LRRFIP2: variants seen among roughly 807,000 people sequenced by gnomAD.
LRRFIP2 encodes the protein leucine-rich repeat flightless-interacting protein 2.
Under a neutral mutation model 125.9 loss-of-function variants are expected in LRRFIP2, and 109 were observed. That is an observed-to-expected ratio of 0.87 (90% CI 0.74 to 1.01). The LOEUF (loss-of-function observed/expected upper bound fraction) is 1.01. Among genes scored for constraint, LRRFIP2 ranks in the 50% least tolerant of loss-of-function variants. The pLI, the probability that LRRFIP2 is intolerant of heterozygous loss-of-function variation, is 0.00. For missense variants in LRRFIP2, 850 were observed against 862.3 expected (o/e 0.99, Z 0.18); for synonymous variants, 291 against 293.1 (o/e 0.99, Z 0.07).
At chr3:37,139,751 T>A (rs1206775439) in intron 2 of LRRFIP2, among the ~76,000 whole-genome samples, 1 of 152,148 alleles carries the variant, frequency 6.6e-6, no homozygotes, top group Non-Finnish European at 1.5e-5. Flanking sequence ...CTACTTCTAT[T>A]GGTTCACTCT....
chr3:37,132,358 A>C (rs1420060514), intron 2 of LRRFIP2, among the ~76,000 whole-genome samples: 3 of 152,208 alleles, frequency 2.0e-5, no homozygotes, highest in Non-Finnish European at 4.4e-5. Flanking sequence ...GTCTGTGGCC[A>C]ATTCTGTACA....
chr3:37,092,649 T>C (rs2093508853), intron 17 of LRRFIP2, among the ~76,000 whole-genome samples: 1 of 152,190 alleles, frequency 6.6e-6, no homozygotes, highest in African/African-American at 2.4e-5. Context: ...CTTATTCAAC[T>C]TTCCACCCTG....
Position 37,081,099 on chromosome 3 carries a change from T to C in LRRFIP2, c.1278+2537A>G, listed in dbSNP as rs2092605167. Reference sequence around the variant, plus strand: ...GCAAGGCCCCATCTCCACAAAAAGATTTTTAAAAAACAGCCAGGCATGGTA... The same window carrying C: ...GCAAGGCCCCATCTCCACAAAAAGACTTTTAAAAAACAGCCAGGCATGGTA... On this transcript the variant is annotated intron_variant, in intron 19 of 27. Coordinates refer to ENST00000336686, the MANE Select transcript of LRRFIP2 (RefSeq NM_006309.4). Among the ~76,000 whole-genome samples the C allele has an allele frequency of 1.3e-5, 2 of 152,014 alleles. 1 individual carries two copies. Among genetic ancestry groups the C allele is most frequent in the African/African-American group, 4.8e-5 (2 of 41,398 alleles).
intron 27 of LRRFIP2, 34 bp from the exon 28 acceptor site, chr3:37,053,995 G>A: frequency 8.1e-7 from 1 of 1,238,798 alleles, no homozygotes. Flanking sequence ...ACTACATGTG[G>A]TCAGAAACAA....
chr3:37,099,744 A>G (rs1230407563), intron 15 of LRRFIP2, among the ~76,000 whole-genome samples: 1 of 152,224 alleles, frequency 6.6e-6, no homozygotes, highest in African/African-American at 2.4e-5. Context: ...CAAAACAGAA[A>G]TAAAGCCAAT....
At chr3:37,155,665 T>C (rs1307967978) in intron 1 of LRRFIP2, among the ~76,000 whole-genome samples, 1 of 152,166 alleles carries the variant, frequency 6.6e-6, no homozygotes, top group Non-Finnish European at 1.5e-5. Context: ...ATTTGCATAT[T>C]GTTCTATGTA....
intron 27 of LRRFIP2, 57 bp downstream of exon 27, chr3:37,054,354 C>T (rs2086198955): frequency 7.3e-7 from 1 of 1,373,358 alleles, no homozygotes; most frequent in South Asian, 1.2e-5. Flanking sequence ...GAATTATTTC[C>T]AGAAGATTTT....
chr3:37,132,124 TTTC>T (rs2095442495), intron 2 of LRRFIP2, among the ~76,000 whole-genome samples: 1 of 152,140 alleles, frequency 6.6e-6, no homozygotes, highest in South Asian at 2.1e-4. Flanking sequence ...TAGACACTAG[TTTC>T]TTATTAGAGT....
At chr3:37,103,849 C>G (rs1244682477) in intron 14 of LRRFIP2, among the ~76,000 whole-genome samples, 3 of 152,164 alleles carry the variant, frequency 2.0e-5, no homozygotes, top group Non-Finnish European at 4.4e-5. Flanking sequence ...AGTCAGAAAT[C>G]TAGTCTGACT....
chr3:37,126,624 C>CG (rs2095283514), intron 4 of LRRFIP2, among the ~76,000 whole-genome samples: 2 of 151,426 alleles, frequency 1.3e-5, no homozygotes, highest in African/African-American at 4.9e-5. Flanking sequence ...TTTGAGAGGC[C>CG]GAGGCGGGCG....
intron 3 of LRRFIP2, among the ~76,000 whole-genome samples, chr3:37,128,553 T>C (rs2095346433): frequency 6.6e-6 from 1 of 152,154 alleles, no homozygotes; most frequent in Admixed American, 6.5e-5. Flanking sequence ...ATCACTTCCT[T>C]CTAGTAGTTT....
chr3:37,081,659 G>A lies in LRRFIP2; in HGVS notation c.1278+1977C>T, dbSNP rs1319879938. 1.6e-4 allele frequency among the ~76,000 whole-genome samples: 24 copies of A among 152,132 alleles called. No individual in the cohort carries two copies. The East Asian group carries it at 3.7e-3, about 23-fold the overall frequency. On this transcript the variant is annotated intron_variant, in intron 19 of 27. Coordinates refer to ENST00000336686, the MANE Select transcript of LRRFIP2 (RefSeq NM_006309.4). The stretch of plus-strand genomic sequence containing the variant: ...AGCACTGTGGGAAGCTGAGGTGGGT[G>A]GATTGCTTGAGCCCAGGAGTTCGAG...
At chr3:37,077,410 G>T (rs1228066897) in intron 19 of LRRFIP2, among the ~76,000 whole-genome samples, 2 of 152,064 alleles carry the variant, frequency 1.3e-5, no homozygotes, top group African/African-American at 4.8e-5. Context: ...CTACATGCAC[G>T]ACAGCATTTA....
chr3:37,086,831 A>G (rs746207542), intron 18 of LRRFIP2, among the ~76,000 whole-genome samples: 9 of 152,240 alleles, frequency 5.9e-5, no homozygotes, highest in Admixed American at 1.3e-4. Context: ...AATTATATCT[A>G]AATAAAAATA....
At chr3:37,146,198 AC>A (rs746672178) in intron 2 of LRRFIP2, among the ~76,000 whole-genome samples, 4 of 152,244 alleles carry the variant, frequency 2.6e-5, no homozygotes, top group Non-Finnish European at 4.4e-5. Flanking sequence ...TCAAATTTCA[AC>A]TACAATTATG....
intron 1 of LRRFIP2, among the ~76,000 whole-genome samples, chr3:37,171,466 G>T (rs1041711400): frequency 2.2e-4 from 33 of 151,044 alleles, no homozygotes; most frequent in African/African-American, 8.0e-4. Context: ...TCTCTCTAGT[G>T]TCTCTCTCAT....
At chr3:37,139,307 C>A (rs767863619) in intron 2 of LRRFIP2, among the ~76,000 whole-genome samples, 37 of 152,090 alleles carry the variant, frequency 2.4e-4, no homozygotes, top group Admixed American at 4.6e-4. Flanking sequence ...GGGTACCAAT[C>A]AATGTGTAGC....
chr3:37,156,673 C>CAAAAAAA lies in LRRFIP2; in HGVS notation c.-55-7642_-55-7636dup, dbSNP rs59647339. Among the ~76,000 whole-genome samples the CAAAAAAA allele has an allele frequency of 2.3e-3, 70 of 30,590 alleles. 5 individuals are homozygous for CAAAAAAA. The highest frequency in any genetic ancestry group is 3.8e-3 in the African/African-American group (21 of 5,550). 20.1% of individuals were successfully genotyped at this position (30,590 alleles called of 152,430 possible). ...TGGGCGACAGAGCGAGACTCAGTAT[C>CAAAAAAA]AAAAAAAAAAAAAAAAAAAAAAAAA... On this transcript the variant is annotated intron_variant, in intron 1 of 27. Transcript: ENST00000336686.
chr3:37,094,275 A>G (rs1390278165), intron 17 of LRRFIP2, among the ~76,000 whole-genome samples: 1 of 152,188 alleles, frequency 6.6e-6, no homozygotes, highest in Non-Finnish European at 1.5e-5. Context: ...TCTTTTTCCA[A>G]GTAAAGGGGT....
Sources: gnomAD v4.1 joint callset for allele counts (sites outside exome capture counted in the v4.1 genomes callset) on GRCh38, gnomAD v4.1.1 for gene constraint, MANE v1.5 for transcripts, NCBI Gene and HGNC (gene_info 2026-07-23, HGNC 2026-07-21) for gene names.